SIPA1L2: variants seen among roughly 807,000 people sequenced by gnomAD.
The protein encoded by SIPA1L2 is signal-induced proliferation-associated 1-like protein 2.
Under a neutral mutation model 163.9 loss-of-function variants are expected in SIPA1L2, and 56 were observed. The observed-to-expected ratio is 0.34, with a 90% CI of 0.28 to 0.43. The LOEUF is 0.43. Ranked by LOEUF, SIPA1L2 falls within the 20% of genes least tolerant of loss-of-function variation. The pLI is 1.00. For missense variants in SIPA1L2, 1,974 were observed against 2,193.5 expected (o/e 0.90, Z 2.00); for synonymous variants, 877 against 865.7 (o/e 1.01, Z -0.23).
At chr1:232,490,375 T>C (rs1665864696) in intron 5 of SIPA1L2, among the ~76,000 whole-genome samples, 1 of 152,182 alleles carries the variant, frequency 6.6e-6, no homozygotes, top group Non-Finnish European at 1.5e-5. Context: ...CTCTCCAAGA[T>C]CTCTTACCAG....
intron 2 of SIPA1L2, among the ~76,000 whole-genome samples, chr1:232,556,214 C>T (rs1658694956): frequency 6.6e-6 from 1 of 152,226 alleles, no homozygotes; most frequent in African/African-American, 2.4e-5. Flanking sequence ...GAACTGAACT[C>T]AACTAAGCTT....
At chr1:232,431,080 C>G (rs1662208892) in intron 16 of SIPA1L2, among the ~76,000 whole-genome samples, 1 of 152,202 alleles carries the variant, frequency 6.6e-6, no homozygotes, top group Non-Finnish European at 1.5e-5. Context: ...TTTCACACTT[C>G]CCTGACTTTC....
At chr1:232,452,676 A>G (rs2102893947) in intron 10 of SIPA1L2, among the ~76,000 whole-genome samples, 2 of 152,284 alleles carry the variant, frequency 1.3e-5, no homozygotes, top group Admixed American at 1.3e-4. Flanking sequence ...CAAGACCATC[A>G]CTGTTTGAGT....
intron 2 of SIPA1L2, among the ~76,000 whole-genome samples, chr1:232,571,841 G>A (rs1177163344): frequency 6.6e-6 from 1 of 152,182 alleles, no homozygotes; most frequent in Non-Finnish European, 1.5e-5. Context: ...AGCTTTCTTA[G>A]GTCTCACCAG....
chr1:232,620,088 T>C (rs908463752), intron 1 of SIPA1L2, among the ~76,000 whole-genome samples: 2 of 152,154 alleles, frequency 1.3e-5, no homozygotes, highest in South Asian at 4.1e-4. Context: ...TTTCACCATG[T>C]TGGTCAGGCT....
At chr1:232,458,161 T>TG (rs994488526) in intron 10 of SIPA1L2, among the ~76,000 whole-genome samples, 1 of 146,650 alleles carries the variant, frequency 6.8e-6, no homozygotes, top group African/African-American at 2.5e-5. Context: ...ACAGATTAAT[T>TG]GGGAAAAAAA....
chr1:232,550,202 T>C (rs1658293472), intron 2 of SIPA1L2, among the ~76,000 whole-genome samples: 1 of 152,202 alleles, frequency 6.6e-6, no homozygotes, highest in Non-Finnish European at 1.5e-5. Flanking sequence ...TGTTCATTAC[T>C]CAAAAGACCA....
intron 2 of SIPA1L2, among the ~76,000 whole-genome samples, chr1:232,540,901 G>T (rs1378910580): frequency 1.3e-5 from 2 of 152,136 alleles, no homozygotes; most frequent in African/African-American, 4.8e-5. Flanking sequence ...CAAGTCTTTA[G>T]GAATATATCT....
intron 19 of SIPA1L2, among the ~76,000 whole-genome samples, chr1:232,414,585 G>A (rs1012616636): frequency 4.6e-5 from 7 of 151,900 alleles, no homozygotes; most frequent in East Asian, 2.0e-4. Context: ...GGACTCGGGC[G>A]CCTCCAGGAT....
chr1:232,509,567 T>C (rs1291281932), intron 3 of SIPA1L2, among the ~76,000 whole-genome samples: 2 of 152,160 alleles, frequency 1.3e-5, no homozygotes, highest in Non-Finnish European at 2.9e-5. Flanking sequence ...TTAAATACAA[T>C]GAAGCTCACC....
chr1:232,419,951 T>C (rs994107570), intron 18 of SIPA1L2, among the ~76,000 whole-genome samples: 1 of 152,186 alleles, frequency 6.6e-6, no homozygotes, highest in African/African-American at 2.4e-5. Context: ...AAGACACAAG[T>C]TCTATCCTTC....
chr1:232,508,077 T>C (rs373950242), intron 3 of SIPA1L2, among the ~76,000 whole-genome samples: 4 of 152,332 alleles, frequency 2.6e-5, no homozygotes, highest in African/African-American at 9.6e-5. Flanking sequence ...AAAAAAGATA[T>C]AGATTCGTCA....
chr1:232,622,552 C>T (rs1173251888), intron 1 of SIPA1L2, among the ~76,000 whole-genome samples: 1 of 152,222 alleles, frequency 6.6e-6, no homozygotes, highest in Non-Finnish European at 1.5e-5. Context: ...GCTATGCAGG[C>T]ATCAGCACAG....
chr1:232,458,282 G>T (rs765678457), intron 10 of SIPA1L2, among the ~76,000 whole-genome samples: 12 of 152,228 alleles, frequency 7.9e-5, no homozygotes, highest in Non-Finnish European at 1.6e-4. Flanking sequence ...TTAAAACAAA[G>T]AATTAATTAT....
intron 11 of SIPA1L2, 147 bp downstream of exon 11, chr1:232,445,382 G>A (rs932195223): frequency 2.6e-6 from 3 of 1,172,816 alleles, no homozygotes; most frequent in African/African-American, 3.1e-5. Context: ...GCACCACTGT[G>A]TCTGGGGCCT....
intron 1 of SIPA1L2, among the ~76,000 whole-genome samples, chr1:232,581,563 T>C (rs1012841402): frequency 2.0e-5 from 3 of 152,198 alleles, no homozygotes; most frequent in African/African-American, 4.8e-5. Context: ...TATGCCTTTC[T>C]TTTTTTGCTT....
intron 18 of SIPA1L2, among the ~76,000 whole-genome samples, chr1:232,422,563 T>C (rs1273174562): frequency 6.6e-6 from 1 of 152,200 alleles, no homozygotes; most frequent in Non-Finnish European, 1.5e-5. Flanking sequence ...CAAAATCTGA[T>C]TGAGTCTCTC....
chr1:232,425,862 C>A lies in SIPA1L2; in HGVS notation c.4411-54G>T, dbSNP rs531604147. On this transcript the variant is annotated intron_variant, in intron 17 of 22. Transcript: ENST00000674635. ...AACAGACATTAAAAAAACGAATGCA[C>A]GGGGCTTGTTGGACTAAGTCCAGTG... 4.7e-6 allele frequency: 7 copies of A among 1,495,740 alleles called. No individual in the cohort carries two copies. The African/African-American group carries it at 8.2e-5, about 18-fold the overall frequency. The allele number at this position is 1,495,740 out of a possible 1,614,324, so 92.7% of individuals were successfully genotyped here. A position where few individuals can be genotyped will look rare whatever the true frequency, so the allele number is the denominator to read the frequency against.
At chr1:232,492,681 T>TG in intron 4 of SIPA1L2, among the ~76,000 whole-genome samples, 1 of 152,340 alleles carries the variant, frequency 6.6e-6, no homozygotes, top group African/African-American at 2.4e-5. Context: ...GTTTTGGACT[T>TG]GCATGGGGCC....
Sources: allele counts gnomAD v4.1 joint callset (sites outside exome capture counted in the v4.1 genomes callset), GRCh38; gene constraint gnomAD v4.1.1; transcripts MANE v1.5; gene names NCBI Gene and HGNC (gene_info 2026-07-23, HGNC 2026-07-21).